The following MIPOL1 variants were observed in gnomAD, a reference collection of about 807,000 sequenced individuals.
MIPOL1 encodes the protein mirror-image polydactyly gene 1 protein.
Under a neutral mutation model 60.9 loss-of-function variants are expected in MIPOL1, and 57 were observed. The observed-to-expected ratio is 0.94, with a 90% CI of 0.76 to 1.17. The LOEUF is 1.17. Among genes scored for constraint, MIPOL1 ranks in the 50% most tolerant of loss-of-function variants. The pLI is 0.00. For synonymous variants in MIPOL1, 179 were observed against 168.8 expected (o/e 1.06, Z -0.47); for missense variants, 551 against 511.6 (o/e 1.08, Z -0.74).
At chr14:37,523,062 CTAAG>C (rs778065454) in intron 12 of MIPOL1, among the ~76,000 whole-genome samples, 3 of 152,036 alleles carry the variant, frequency 2.0e-5, no homozygotes, top group Admixed American at 6.5e-5. Context: ...AAACTCTACT[CTAAG>C]TAAATGTCTT....
chr14:37,296,826 C>CA (rs1216044943), intron 7 of MIPOL1, among the ~76,000 whole-genome samples: 1 of 151,862 alleles, frequency 6.6e-6, no homozygotes. Context: ...GCTTACCAAC[C>CA]AAAAAAAGTC....
intron 1 of MIPOL1, chr14:37,212,167 CTCTT>C (rs1966859844): frequency 6.6e-6 from 1 of 152,234 alleles, no homozygotes; most frequent in East Asian, 1.9e-4. Flanking sequence ...TGACGCAAAA[CTCTT>C]TCTGTCTGAG....
At chr14:37,307,227 T>A (rs1021094807) in intron 7 of MIPOL1, among the ~76,000 whole-genome samples, 1 of 151,912 alleles carries the variant, frequency 6.6e-6, no homozygotes, top group African/African-American at 2.4e-5. Context: ...AGTATAATTT[T>A]AAAATAATTG....
At chr14:37,292,117 G>C (rs1325314158) in intron 7 of MIPOL1, among the ~76,000 whole-genome samples, 3 of 151,592 alleles carry the variant, frequency 2.0e-5, no homozygotes, top group African/African-American at 7.3e-5. Flanking sequence ...AGTAGAGACG[G>C]GGTTTCGCTG....
chr14:37,306,685 A>C (rs1221183786), intron 7 of MIPOL1, among the ~76,000 whole-genome samples: 5 of 151,882 alleles, frequency 3.3e-5, no homozygotes, highest in Non-Finnish European at 5.9e-5. Flanking sequence ...TATTTTCACT[A>C]TGATAATAAA....
At chr14:37,481,255 G>T (rs2094859206) in intron 11 of MIPOL1, among the ~76,000 whole-genome samples, 1 of 152,008 alleles carries the variant, frequency 6.6e-6, no homozygotes, top group Non-Finnish European at 1.5e-5. Context: ...GAAATCAAGA[G>T]AACAATCCCA....
chr14:37,247,653 C>G, intron 2 of MIPOL1, 176 bp from the exon 3 acceptor site: 1 of 465,434 alleles, frequency 2.1e-6, no homozygotes, highest in South Asian at 3.2e-5. Context: ...AAGAAAAGAA[C>G]CTTTTTCTGA....
chr14:37,204,164 C>A (rs1335146355), intron 1 of MIPOL1, among the ~76,000 whole-genome samples: 1 of 152,014 alleles, frequency 6.6e-6, no homozygotes, highest in Non-Finnish European at 1.5e-5. Flanking sequence ...GAGATGACTG[C>A]ACCCCTGGCT....
At chr14:37,426,594 T>TATATATAC (rs1447990257) in intron 11 of MIPOL1, among the ~76,000 whole-genome samples, 50 of 125,404 alleles carry the variant, frequency 4.0e-4, no homozygotes, top group African/African-American at 8.3e-4. Context: ...TATATATATA[T>TATATATAC]ACACACACAC....
intron 9 of MIPOL1, among the ~76,000 whole-genome samples, chr14:37,343,347 A>G (rs1477103805): frequency 6.6e-6 from 1 of 152,184 alleles, no homozygotes; most frequent in Non-Finnish European, 1.5e-5. Context: ...TGTAATTATT[A>G]TTTCTACATC....
intron 11 of MIPOL1, among the ~76,000 whole-genome samples, chr14:37,457,182 G>A (rs900914936): frequency 1.3e-5 from 2 of 152,152 alleles, no homozygotes; most frequent in African/African-American, 4.8e-5. Flanking sequence ...GAGCCTCTTA[G>A]ACCAGGGCTG....
At chr14:37,398,752 G>T (rs1289702107) in intron 10 of MIPOL1, among the ~76,000 whole-genome samples, 1 of 152,154 alleles carries the variant, frequency 6.6e-6, no homozygotes, top group South Asian at 2.1e-4. Flanking sequence ...GACATTGAAC[G>T]AGTAAGATCT....
intron 11 of MIPOL1, among the ~76,000 whole-genome samples, chr14:37,454,837 A>C (rs1258678718): frequency 6.6e-6 from 1 of 152,140 alleles, no homozygotes; most frequent in South Asian, 2.1e-4. Flanking sequence ...GTAGCTGATA[A>C]TTGTTTCTGA....
chr14:37,287,428 G>GT (rs1170275908), intron 7 of MIPOL1, among the ~76,000 whole-genome samples: 1 of 151,892 alleles, frequency 6.6e-6, no homozygotes, highest in African/African-American at 2.4e-5. Flanking sequence ...GATTTTTAAA[G>GT]TTTTTTGTAG....
chr14:37,212,698 A>G (rs1031969719), intron 1 of MIPOL1, among the ~76,000 whole-genome samples: 1 of 152,128 alleles, frequency 6.6e-6, no homozygotes, highest in Admixed American at 6.5e-5. Context: ...TGCTGACTGT[A>G]GAGTTCAAGG....
chr14:37,244,154 T>TCTGTCAC (rs1471989219), intron 1 of MIPOL1, among the ~76,000 whole-genome samples: 1 of 127,344 alleles, frequency 7.9e-6, no homozygotes, highest in African/African-American at 2.9e-5. Flanking sequence ...AGGGTCTCAC[T>TCTGTCAC]CTGTCACCAG....
intron 10 of MIPOL1, among the ~76,000 whole-genome samples, chr14:37,386,558 A>C (rs1263421742): frequency 6.6e-6 from 1 of 152,024 alleles, no homozygotes; most frequent in Non-Finnish European, 1.5e-5. Context: ...CCCTAAAAAA[A>C]AAATACAAGT....
At position 37,266,998 on chromosome 14, in the gene MIPOL1, A is replaced by G; in HGVS notation, c.80A>G (p.Asp27Gly). Residue 27 changes from aspartate (D) to glycine (G), a missense_variant, in exon 4 of 13, where the codon GAT becomes GGT. Physicochemically the swap from Asp to Gly is moderately conservative, Grantham distance 94. Transcript: ENST00000684589. The part of the protein sequence containing the change: ...TTGINKSTQP[D>G]EQLTMNSEKS... The stretch of plus-strand genomic sequence containing the variant: ...GGGATAAATAAAAGTACGCAGCCAG[A>G]TGAGCAACTGACTATGAATTCTGAG... 6.2e-7 allele frequency: 1 copy of G among 1,613,898 alleles called. No individual in the cohort carries two copies. The highest frequency in any genetic ancestry group is 8.5e-7 in the Non-Finnish European group (1 of 1,179,866).
intron 1 of MIPOL1, among the ~76,000 whole-genome samples, chr14:37,234,015 C>G (rs1971038935): frequency 6.6e-6 from 1 of 152,172 alleles, no homozygotes; most frequent in South Asian, 2.1e-4. Context: ...ATGTTTATCT[C>G]TGTTACAGTC....
Sources: gnomAD v4.1 joint callset for allele counts (sites outside exome capture counted in the v4.1 genomes callset) on GRCh38, gnomAD v4.1.1 for gene constraint, MANE v1.5 for transcripts, NCBI Gene and HGNC (gene_info 2026-07-23, HGNC 2026-07-21) for gene names.